Variants in PTPRN2 observed in about 807,000 individuals in gnomAD.
PTPRN2 encodes the protein protein tyrosine phosphatase receptor type N2.
PTPRN2 carries 74 observed loss-of-function variants against 118.8 expected under a neutral mutation model. The ratio of observed to expected loss-of-function variants is 0.62; its 90% CI spans 0.52 to 0.76. The LOEUF (loss-of-function observed/expected upper bound fraction) is 0.76. PTPRN2 is among the 30% of genes least tolerant of loss of function. The pLI is 0.00. For missense variants in PTPRN2, 1,481 were observed against 1,394.4 expected (o/e 1.06, Z -0.99); for synonymous variants, 641 against 608.0 (o/e 1.05, Z -0.80).
intron 15 of PTPRN2, among the ~76,000 whole-genome samples, chr7:157,613,404 C>T (rs1350698338): frequency 1.3e-5 from 2 of 152,198 alleles, no homozygotes; most frequent in African/African-American, 2.4e-5. Flanking sequence ...CGGGTCCGGG[C>T]GGGCCCCACG....
intron 9 of PTPRN2, among the ~76,000 whole-genome samples, chr7:158,132,799 G>T (rs1257481232): frequency 6.7e-6 from 1 of 150,220 alleles, no homozygotes; most frequent in African/African-American, 2.5e-5. Flanking sequence ...ACACACACAT[G>T]CGTATGCAGA....
Position 158,162,300 on chromosome 7 carries a change from G to A in PTPRN2, c.910+4631C>T, listed in dbSNP as rs147989503. 3.8e-3 allele frequency among the ~76,000 whole-genome samples: 584 copies of A among 152,296 alleles called. 3 individuals carry two copies. The highest frequency in any genetic ancestry group is 0.014 in the African/African-American group (567 of 41,554). On this transcript the variant is annotated intron_variant, in intron 6 of 22. Coordinates refer to ENST00000389418, the MANE Select transcript of PTPRN2 (RefSeq NM_002847.5). ...CAAAAACCTGCATGAGGGTGCTTAT[G>A]GCAGCTTTATGAATAATTGCCAATA...
At chr7:158,261,650 G>A in intron 3 of PTPRN2, among the ~76,000 whole-genome samples, 1 of 152,020 alleles carries the variant, frequency 6.6e-6, no homozygotes, top group East Asian at 1.9e-4. Context: ...AAAACAGCAG[G>A]GTGCACTCCG....
At position 158,563,140 on chromosome 7, in the gene PTPRN2, C is replaced by T. The variant is rs1382980644; in HGVS notation, c.112+24418G>A. 2.0e-5 allele frequency among the ~76,000 whole-genome samples: 3 copies of T among 152,114 alleles called. No homozygotes were observed. The highest frequency in any genetic ancestry group is 2.1e-4 in the South Asian group (1 of 4,808). On this transcript the variant is annotated intron_variant, in intron 1 of 22. Transcript: ENST00000389418. This position sits in a 1 kb window ranked among gnomAD's most constrained non-coding sequence, Gnocchi z 5.1. ...AAGGTATCTGCTGGTGCAGTGCCAC[C>T]GAAGAAGAGAGGTCCTACCTGAAAC...
At chr7:157,995,303 A>G (rs985601204) in intron 11 of PTPRN2, among the ~76,000 whole-genome samples, 1 of 151,106 alleles carries the variant, frequency 6.6e-6, no homozygotes, top group African/African-American at 2.4e-5. Flanking sequence ...TCCCCAGCTT[A>G]TAGCTCCTTG....
chr7:158,257,222 C>T (rs774473794), intron 3 of PTPRN2, among the ~76,000 whole-genome samples: 2 of 152,178 alleles, frequency 1.3e-5, no homozygotes, highest in African/African-American at 2.4e-5. Context: ...CCCGGGCACA[C>T]GGCTGCTCAG....
intron 1 of PTPRN2, among the ~76,000 whole-genome samples, chr7:158,527,412 G>C (rs1184877065): frequency 6.6e-6 from 1 of 152,214 alleles, no homozygotes; most frequent in Non-Finnish European, 1.5e-5. Context: ...CTCAGCGAGT[G>C]TCTGCCAAGA....
At chr7:158,172,022 G>A (rs752845378) in intron 5 of PTPRN2, among the ~76,000 whole-genome samples, 16 of 152,254 alleles carry the variant, frequency 1.1e-4, no homozygotes, top group South Asian at 2.1e-4. Flanking sequence ...TGAAGCATTC[G>A]AGAGCTTCTG....
At chr7:158,520,777 C>T (rs1295502282) in intron 1 of PTPRN2, among the ~76,000 whole-genome samples, 1 of 152,176 alleles carries the variant, frequency 6.6e-6, no homozygotes, top group Non-Finnish European at 1.5e-5. Flanking sequence ...AAATCCTAAT[C>T]CCTGCCTCAG....
At chr7:157,659,046 CCGG>C in intron 13 of PTPRN2, among the ~76,000 whole-genome samples, 1 of 152,062 alleles carries the variant, frequency 6.6e-6, no homozygotes, top group South Asian at 2.1e-4. Context: ...TCCCTTCACC[CCGG>C]GCTGCCGGCT....
At position 158,438,450 on chromosome 7, in the gene PTPRN2, A is replaced by G. The variant is rs1174132922; in HGVS notation, c.163+51285T>C. ...GGGCTACGGTGTGATGTTTCAACAC[A>G]TATATACATTGTGGAATCATCAAAA... On this transcript the variant is annotated intron_variant, in intron 2 of 22. Coordinates refer to ENST00000389418, the MANE Select transcript of PTPRN2 (RefSeq NM_002847.5). The surrounding 1 kb of genome is among the most constrained non-coding windows in gnomAD (Gnocchi z 4.7). Among the ~76,000 whole-genome samples, 1 of 152,206 alleles carries G rather than the reference A, an allele frequency of 6.6e-6. No homozygotes were observed. The highest frequency in any genetic ancestry group is 1.5e-5 in the Non-Finnish European group (1 of 68,032).
chr7:157,624,488 T>TA (rs1803453476), intron 14 of PTPRN2, among the ~76,000 whole-genome samples: 1 of 152,038 alleles, frequency 6.6e-6, no homozygotes, highest in African/African-American at 2.4e-5. Flanking sequence ...TAGCCTGCCT[T>TA]ACACATGCTC....
intron 19 of PTPRN2, 127 bp downstream of exon 19, chr7:157,576,486 C>CT (rs1308101352): frequency 9.9e-7 from 1 of 1,011,748 alleles, no homozygotes; most frequent in Non-Finnish European, 1.4e-6. Flanking sequence ...TTCCCTTCCC[C>CT]TCCCCCCTGC....
At chr7:158,581,929 G>A (rs1828647237) in intron 1 of PTPRN2, among the ~76,000 whole-genome samples, 1 of 152,150 alleles carries the variant, frequency 6.6e-6, no homozygotes, top group African/African-American at 2.4e-5. Flanking sequence ...AAACAAAAAA[G>A]GTATTTAAAA....
At chr7:158,476,067 A>C (rs535312652) in intron 2 of PTPRN2, among the ~76,000 whole-genome samples, 1 of 152,170 alleles carries the variant, frequency 6.6e-6, no homozygotes, top group Non-Finnish European at 1.5e-5. Flanking sequence ...GCTGGAGTGC[A>C]AAGGCTTAAT....
chr7:158,285,857 G>C (rs1799734580), intron 3 of PTPRN2, among the ~76,000 whole-genome samples: 1 of 152,176 alleles, frequency 6.6e-6, no homozygotes, highest in South Asian at 2.1e-4. Flanking sequence ...CTATACCTGT[G>C]TCCACACCCC....
At chr7:158,170,325 G>T (rs879372533) in intron 5 of PTPRN2, among the ~76,000 whole-genome samples, 1 of 152,062 alleles carries the variant, frequency 6.6e-6, no homozygotes, top group Non-Finnish European at 1.5e-5. Flanking sequence ...CAAATCCCTC[G>T]TTATGTGCCT....
At chr7:157,914,302 GC>G (rs1798273355) in intron 11 of PTPRN2, among the ~76,000 whole-genome samples, 1 of 151,870 alleles carries the variant, frequency 6.6e-6, no homozygotes, top group Non-Finnish European at 1.5e-5. Context: ...GAGGTGTAGA[GC>G]CTTTTTCACT....
rs1411824914 is a variant in PTPRN2, at chr7:158,587,560, A to G, written c.110T>C (p.Leu37Pro). ...VPRGRQLPGRLGCLLEEGLCG... is the reference protein window; with the variant it reads ...VPRGRQLPGRPGCLLEEGLCG... ...CTCCCCCGGCGCCCCCCACTCACCCAGACGCCCCGGGAGCTGCCGGCCGCG... is the reference window on the plus strand; with the variant it reads ...CTCCCCCGGCGCCCCCCACTCACCCGGACGCCCCGGGAGCTGCCGGCCGCG... The change falls in exon 1 of 23, where the codon CTG (leucine) becomes CCG (proline). Residue 37 changes from leucine to proline, a missense_variant and splice_region_variant. By Grantham distance (98) the Leu-to-Pro change is moderately conservative. Coordinates refer to ENST00000389418, the MANE Select transcript of PTPRN2 (RefSeq NM_002847.5). 16 of 1,309,190 alleles carry G rather than the reference A, an allele frequency of 1.2e-5. No individual in the cohort carries two copies. Among genetic ancestry groups the G allele is most frequent in the Admixed American group, 4.0e-5 (1 of 25,172 alleles). The allele number at this position is 1,309,190 out of a possible 1,614,324, so 81.1% of individuals were successfully genotyped here. A position where few individuals can be genotyped will look rare whatever the true frequency, so the allele number is the denominator to read the frequency against.
Sources: gnomAD v4.1 joint callset for allele counts (sites outside exome capture counted in the v4.1 genomes callset) on GRCh38, gnomAD v4.1.1 for gene constraint, Gnocchi (gnomAD v3.1) non-coding constraint, MANE v1.5 for transcripts, NCBI Gene and HGNC (gene_info 2026-07-23, HGNC 2026-07-21) for gene names.